The following HIVEP3 variants were observed in gnomAD, a reference collection of about 807,000 sequenced individuals.
The protein encoded by HIVEP3 is HIVEP zinc finger 3.
A neutral mutation model predicts 152.8 loss-of-function variants in HIVEP3; 49 were observed. That is an observed-to-expected ratio of 0.32 (90% CI 0.26 to 0.41). The LOEUF (loss-of-function observed/expected upper bound fraction) is 0.41, where lower values mean the gene tolerates loss of function less well. HIVEP3 is among the 10% of genes least tolerant of loss of function. The probability of loss-of-function intolerance (pLI) is 1.00; values close to 1 mark genes in which losing one functional copy is unlikely to be tolerated. For missense variants in HIVEP3, 2,790 were observed against 3,103.3 expected, an observed-to-expected ratio of 0.90 and a Z score of 2.40; for synonymous variants, 1,269 against 1,289.0, an observed-to-expected ratio of 0.98 and a Z score of 0.33.
At chr1:41,929,722 GTT>G (rs1491092962) in intron 1 of HIVEP3, among the ~76,000 whole-genome samples, 2,307 of 37,560 alleles carry the variant, frequency 0.061, 198 homozygotes, top group African/African-American at 0.28. Flanking sequence ...GTGTATATGT[GTT>G]TTTATATATA....
rs370509512 is a variant in HIVEP3 at position 41,671,977 on chromosome 1, A to G, written c.-721+28939T>C. On this transcript the variant is annotated intron_variant, in intron 2 of 8. Transcript: ENST00000372583. ...AGAAAGTGGGGAGACCCTGGTGGGG[A>G]TTGGGCAGGGGCTGGGTGCAGTTGA... 1.1e-4 allele frequency among the ~76,000 whole-genome samples: 17 copies of G among 152,262 alleles called. No individual in the cohort carries two copies. In the East Asian group the frequency reaches 3.1e-3, roughly 28 times the overall value.
At chr1:41,840,874 T>C (rs1643267462) in intron 1 of HIVEP3, among the ~76,000 whole-genome samples, 1 of 152,118 alleles carries the variant, frequency 6.6e-6, no homozygotes, top group South Asian at 2.1e-4. Context: ...CATAACTTTC[T>C]CTCCTTTTAA....
chr1:41,820,294 C>T (rs1045725247), intron 1 of HIVEP3, among the ~76,000 whole-genome samples: 7 of 152,150 alleles, frequency 4.6e-5, no homozygotes, highest in East Asian at 1.9e-4. Flanking sequence ...AGAATTGTTA[C>T]GCTTCATGAA....
At chr1:42,012,596 A>G (rs1191024398) in intron 1 of HIVEP3, among the ~76,000 whole-genome samples, 1 of 152,196 alleles carries the variant, frequency 6.6e-6, no homozygotes, top group Non-Finnish European at 1.5e-5. Context: ...AGGCTGAGAC[A>G]AGAGAATTGC....
At chr1:41,690,010 C>T (rs914989171) in intron 2 of HIVEP3, among the ~76,000 whole-genome samples, 2 of 152,256 alleles carry the variant, frequency 1.3e-5, no homozygotes, top group African/African-American at 4.8e-5. Context: ...TCCCGTGTGC[C>T]TAGGTCCTTG....
intron 1 of HIVEP3, among the ~76,000 whole-genome samples, chr1:41,910,921 TAA>T (rs1644786049): frequency 2.6e-5 from 4 of 152,018 alleles, no homozygotes; most frequent in Non-Finnish European, 5.9e-5. Flanking sequence ...AGGCAAAGCT[TAA>T]ACGTTTAGAA....
intron 5 of HIVEP3, chr1:41,543,072 C>G (rs1038580092): frequency 1.4e-4 from 22 of 152,328 alleles, no homozygotes; most frequent in African/African-American, 5.3e-4. Context: ...GTAGGCTGGA[C>G]CATGCGCACT....
At chr1:41,796,060 A>G (rs1274342959) in intron 1 of HIVEP3, among the ~76,000 whole-genome samples, 1 of 152,182 alleles carries the variant, frequency 6.6e-6, no homozygotes, top group Admixed American at 6.5e-5. Flanking sequence ...ACTGGAAAAT[A>G]TATGTGTGTA....
At chr1:41,895,251 C>T (rs1644509054) in intron 1 of HIVEP3, among the ~76,000 whole-genome samples, 1 of 152,120 alleles carries the variant, frequency 6.6e-6, no homozygotes, top group Non-Finnish European at 1.5e-5. Context: ...CCAGGAGATC[C>T]CACTCCTTTC....
intron 1 of HIVEP3, among the ~76,000 whole-genome samples, chr1:41,944,800 G>T (rs746581162): frequency 6.6e-6 from 1 of 152,162 alleles, no homozygotes; most frequent in Non-Finnish European, 1.5e-5. Context: ...ATGCTCATCG[G>T]AAAATGACTA....
At chr1:41,541,092 T>G (rs1428140600) in intron 5 of HIVEP3, among the ~76,000 whole-genome samples, 1 of 152,098 alleles carries the variant, frequency 6.6e-6, no homozygotes, top group Non-Finnish European at 1.5e-5. Context: ...CATGGGGTGT[T>G]GATGCATCAG....
At chr1:41,741,192 TGCTTTCAAAAAAGGAGGGGAA>T (rs1289836096) in intron 1 of HIVEP3, among the ~76,000 whole-genome samples, 2 of 152,180 alleles carry the variant, frequency 1.3e-5, no homozygotes. Flanking sequence ...CAGATCTGTT[TGCTTTCAAAAAAGGAGGGGAA>T]GCTTCCCCTT....
intron 7 of HIVEP3, among the ~76,000 whole-genome samples, chr1:41,517,646 C>T (rs1008763755): frequency 1.3e-5 from 2 of 152,186 alleles, no homozygotes; most frequent in African/African-American, 2.4e-5. Context: ...CGAGATGGCT[C>T]CAGCCTCCTT....
At chr1:41,627,806 A>C (rs961352524) in intron 3 of HIVEP3, among the ~76,000 whole-genome samples, 1 of 152,080 alleles carries the variant, frequency 6.6e-6, no homozygotes, top group Non-Finnish European at 1.5e-5. Context: ...ATCAATGTAG[A>C]TTCCTGGGTC....
intron 1 of HIVEP3, among the ~76,000 whole-genome samples, chr1:41,876,499 TGTAAA>T (rs1187445619): frequency 6.6e-6 from 1 of 152,190 alleles, no homozygotes; most frequent in Non-Finnish European, 1.5e-5. Context: ...AATTAATACT[TGTAAA>T]GTTAATAAAA....
At chr1:41,618,628 C>T (rs1645003014) in intron 3 of HIVEP3, among the ~76,000 whole-genome samples, 1 of 152,204 alleles carries the variant, frequency 6.6e-6, no homozygotes, top group Middle Eastern at 3.4e-3. Flanking sequence ...TTTCTTAAGC[C>T]CGAGTTCTAC....
intron 1 of HIVEP3, among the ~76,000 whole-genome samples, chr1:41,938,624 G>T (rs1570827457): frequency 6.6e-6 from 1 of 152,222 alleles, no homozygotes; most frequent in South Asian, 2.1e-4. Flanking sequence ...GTTAGTGGCT[G>T]CCTGGACCTT....
In HIVEP3 at chr1:41,700,901, A is replaced by G; in HGVS notation, c.-721+15T>C. 1 of 974,444 alleles carries G rather than the reference A, an allele frequency of 1.0e-6. No individual in the cohort carries two copies. The highest frequency in any genetic ancestry group is 1.2e-6 in the Non-Finnish European group (1 of 820,176). The allele number at this position is 974,444 out of a possible 1,614,324, so 60.4% of individuals were successfully genotyped here. A position where few individuals can be genotyped will look rare whatever the true frequency, so the allele number is the denominator to read the frequency against. On this transcript the variant is annotated intron_variant, in intron 2 of 8. Coordinates refer to ENST00000372583, the MANE Select transcript of HIVEP3 (RefSeq NM_024503.5). ...GAAACTGCCCTGTGTCCTGTGGGGG[A>G]TGGGGAGGGCTCACCTGCCAAAAAC...
At chr1:41,646,579 C>T (rs1219056929) in intron 2 of HIVEP3, among the ~76,000 whole-genome samples, 1 of 152,200 alleles carries the variant, frequency 6.6e-6, no homozygotes, top group Admixed American at 6.5e-5. Flanking sequence ...CACTTTCTTA[C>T]TTGCAGAGTG....
Sources: allele counts gnomAD v4.1 joint callset (sites outside exome capture counted in the v4.1 genomes callset), GRCh38; gene constraint gnomAD v4.1.1; transcripts MANE v1.5; gene names NCBI Gene and HGNC (gene_info 2026-07-23, HGNC 2026-07-21).